Variants in SLIT2 observed in about 807,000 individuals in gnomAD.
The protein encoded by SLIT2 is slit homolog 2 protein.
A neutral mutation model predicts 185.7 loss-of-function variants in SLIT2; 41 were observed. That is an observed-to-expected ratio of 0.22 (90% CI 0.17 to 0.29). The LOEUF is 0.29. SLIT2 is among the 10% of genes least tolerant of loss of function. The pLI is 1.00. For missense variants in SLIT2, 1,571 were observed against 1,909.0 expected (o/e 0.82, Z 3.30); for synonymous variants, 693 against 680.2 (o/e 1.02, Z -0.29).
intron 4 of SLIT2, among the ~76,000 whole-genome samples, chr4:20,307,721 C>G (rs904636843): frequency 1.3e-5 from 2 of 152,202 alleles, no homozygotes; most frequent in African/African-American, 4.8e-5. Context: ...ACCAGGGACT[C>G]TAATTCTTTG....
chr4:20,555,246 G>A (rs1164243800), intron 26 of SLIT2, among the ~76,000 whole-genome samples: 1 of 152,066 alleles, frequency 6.6e-6, no homozygotes, highest in Non-Finnish European at 1.5e-5. Context: ...TCCATGATTT[G>A]AAAACCTAAC....
chr4:20,339,255 T>G (rs1382690406), intron 4 of SLIT2, among the ~76,000 whole-genome samples: 1 of 152,128 alleles, frequency 6.6e-6, no homozygotes, highest in Non-Finnish European at 1.5e-5. Flanking sequence ...TTAATTTGTT[T>G]TTTTCTTTGG....
intron 4 of SLIT2, among the ~76,000 whole-genome samples, chr4:20,392,508 A>T (rs893001920): frequency 6.6e-6 from 1 of 152,124 alleles, no homozygotes. Flanking sequence ...GAATTTATTT[A>T]CAGTTATTTT....
At position 20,533,817 on chromosome 4, in the gene SLIT2, C is replaced by T; in HGVS notation, c.1832+102C>T. The T allele has an allele frequency of 3.4e-6, 3 of 887,132 alleles. No individual in the cohort carries two copies. The South Asian group carries it at 4.9e-5, about 14-fold the overall frequency. The allele number at this position is 887,132 out of a possible 1,614,324, so 55.0% of individuals were successfully genotyped here. ...GAAACACCTACTTTTACCCACCCCA[C>T]TCCCTCTATCTCTTTCACATTCTCT... On this transcript the variant is annotated intron_variant, in intron 18 of 36. Transcript: ENST00000504154.
At chr4:20,551,942 A>C (rs1220275853) in intron 25 of SLIT2, among the ~76,000 whole-genome samples, 2 of 152,148 alleles carry the variant, frequency 1.3e-5, no homozygotes, top group Non-Finnish European at 2.9e-5. Flanking sequence ...CATTTGCCTT[A>C]TAGAGTCTGT....
chr4:20,308,033 AATT>A (rs879678243), intron 4 of SLIT2, among the ~76,000 whole-genome samples: 6 of 152,150 alleles, frequency 3.9e-5, no homozygotes, highest in Non-Finnish European at 7.3e-5. Context: ...GGAGGAGATT[AATT>A]ATTATGATTT....
chr4:20,515,941 A>T (rs1023081243), intron 11 of SLIT2, among the ~76,000 whole-genome samples: 1 of 152,022 alleles, frequency 6.6e-6, no homozygotes, highest in Non-Finnish European at 1.5e-5. Context: ...TCAGCCTCTC[A>T]TGTAGCTGGG....
At chr4:20,389,924 A>T (rs1436090779) in intron 4 of SLIT2, among the ~76,000 whole-genome samples, 1 of 152,074 alleles carries the variant, frequency 6.6e-6, no homozygotes, top group African/African-American at 2.4e-5. Context: ...TTGGTTTTCC[A>T]ATCATCCGAT....
intron 4 of SLIT2, among the ~76,000 whole-genome samples, chr4:20,434,294 C>A (rs190975469): frequency 7.7e-6 from 1 of 130,452 alleles, no homozygotes; most frequent in Non-Finnish European, 1.7e-5. Context: ...TTGAGACCAG[C>A]CTGACCAACA....
rs367747283 is a variant in SLIT2, at chr4:20,528,326, G to A, written c.1463-623G>A. 3.2e-5 allele frequency: 17 copies of A among 534,556 alleles called. No individual in the cohort carries two copies. The highest frequency in any genetic ancestry group is 9.6e-5 in the African/African-American group (5 of 52,014). 33.1% of individuals were successfully genotyped at this position (534,556 alleles called of 1,614,324 possible). A position where few individuals can be genotyped will look rare whatever the true frequency, so the allele number is the denominator to read the frequency against. On this transcript the variant is annotated intron_variant, in intron 15 of 36. Coordinates refer to ENST00000504154, the MANE Select transcript of SLIT2 (RefSeq NM_004787.4). This position sits in a 1 kb window ranked among gnomAD's most constrained non-coding sequence, Gnocchi z 4.2. ...GTGCTTGATCTAACCATGTGGTTGC[G>A]AGGTATGAGTAAAACATGGTTCCGT...
chr4:20,355,398 T>A (rs1287523810), intron 4 of SLIT2, among the ~76,000 whole-genome samples: 1 of 152,192 alleles, frequency 6.6e-6, no homozygotes, highest in Non-Finnish European at 1.5e-5. Context: ...AAGTCCAGTT[T>A]TATTTCATGT....
intron 5 of SLIT2, among the ~76,000 whole-genome samples, chr4:20,472,287 G>GATATATATATCTATATATCTAT (rs1560452839): frequency 6.7e-5 from 1 of 14,882 alleles, no homozygotes; most frequent in African/African-American, 2.8e-4. Context: ...TATATATATA[G>GATATATATATCTATATATCTAT]ATATATAGAT....
intron 21 of SLIT2, 127 bp downstream of exon 21, chr4:20,542,753 T>G: frequency 9.7e-7 from 1 of 1,034,608 alleles, no homozygotes; most frequent in Non-Finnish European, 1.4e-6. Flanking sequence ...AGTTAATTAT[T>G]ATCCTGTAAA....
Position 20,291,492 on chromosome 4 carries a change from ATTTTTTTTTTTTTTTT to A in SLIT2, c.395+22627_395+22642del, listed in dbSNP as rs1157453738. ...TATATATATATATATATATATATAT[ATTTTTTTTTTTTTTTT>A]TTTTTTTTTTTTTTTACAGCAATGC... On this transcript the variant is annotated intron_variant, in intron 4 of 36. Transcript: ENST00000504154. Among the ~76,000 whole-genome samples the A allele has an allele frequency of 4.1e-3, 74 of 18,212 alleles. 1 individual carries two copies. The highest frequency in any genetic ancestry group is 0.01 in the South Asian group (5 of 492). 11.9% of individuals were successfully genotyped at this position (18,212 alleles called of 152,430 possible).
intron 33 of SLIT2, among the ~76,000 whole-genome samples, chr4:20,604,589 C>A (rs555629830): frequency 6.6e-6 from 1 of 152,090 alleles, no homozygotes; most frequent in African/African-American, 2.4e-5. Flanking sequence ...CCTTGTGATC[C>A]GTCCACTTCA....
intron 4 of SLIT2, among the ~76,000 whole-genome samples, chr4:20,293,046 A>T (rs1716119123): frequency 2.0e-5 from 3 of 152,222 alleles, no homozygotes; most frequent in Admixed American, 1.3e-4. Flanking sequence ...GAGAAAAAAA[A>T]GTCTGTATAG....
chr4:20,381,534 C>T (rs1487898974), intron 4 of SLIT2, among the ~76,000 whole-genome samples: 2 of 152,024 alleles, frequency 1.3e-5, no homozygotes, highest in Admixed American at 6.6e-5. Flanking sequence ...TTCTCTGTTC[C>T]ATGGATAATT....
intron 4 of SLIT2, among the ~76,000 whole-genome samples, chr4:20,440,863 C>T (rs912816947): frequency 6.6e-6 from 1 of 152,114 alleles, no homozygotes; most frequent in Non-Finnish European, 1.5e-5. Flanking sequence ...TTAAGAGACT[C>T]ACCTATTGAG....
At chr4:20,285,293 C>T (rs1001592180) in intron 4 of SLIT2, among the ~76,000 whole-genome samples, 5 of 152,154 alleles carry the variant, frequency 3.3e-5, no homozygotes, top group African/African-American at 1.2e-4. Flanking sequence ...GATTAACAAC[C>T]CTTTGCTGAG....
Sources: allele counts gnomAD v4.1 joint callset (sites outside exome capture counted in the v4.1 genomes callset), GRCh38; gene constraint gnomAD v4.1.1; non-coding constraint Gnocchi (gnomAD v3.1); transcripts MANE v1.5; gene names NCBI Gene and HGNC (gene_info 2026-07-23, HGNC 2026-07-21).